SMPDL3A: variants seen among roughly 807,000 people sequenced by gnomAD.
The protein encoded by SMPDL3A is cyclic GMP-AMP phosphodiesterase SMPDL3A.
A neutral mutation model predicts 38.5 loss-of-function variants in SMPDL3A; 39 were observed. That is an observed-to-expected ratio of 1.01 (90% CI 0.78 to 1.32). The LOEUF is 1.32. Ranked by LOEUF, SMPDL3A falls within the 40% of genes most tolerant of loss-of-function variation. The pLI is 0.00. For synonymous variants in SMPDL3A, 180 were observed against 194.3 expected (o/e 0.93, Z 0.61); for missense variants, 502 against 536.2 (o/e 0.94, Z 0.63).
chr6:122,795,359 T>G (rs1368112674), intron 1 of SMPDL3A, among the ~76,000 whole-genome samples: 1 of 152,122 alleles, frequency 6.6e-6, no homozygotes, highest in Non-Finnish European at 1.5e-5. Context: ...GCCAGGTTGG[T>G]CTCGAACTCC....
chr6:122,804,918 A>C lies in SMPDL3A; in HGVS notation c.748A>C (p.Ile250Leu). The change falls in exon 6 of 8, where the codon ATA (isoleucine) becomes CTA (leucine). Residue 250 changes from isoleucine (I) to leucine (L), a missense_variant. Ile to Leu is a conservative substitution (Grantham distance 5, BLOSUM62 2). Transcript: ENST00000368440. ...SQQNKEKVYI[I>L]AHVPVGYLPS... ...GTGTTTCTTTTTCCAGGTGTATATC[A>C]TAGCACATGTTCCAGTGGGGTATCT... 6.2e-7 allele frequency: 1 copy of C among 1,611,098 alleles called. No individual in the cohort carries two copies. The highest frequency in any genetic ancestry group is 8.5e-7 in the Non-Finnish European group (1 of 1,179,138).
At chr6:122,796,029 A>T in intron 2 of SMPDL3A, 139 bp downstream of exon 2, 1 of 660,488 alleles carries the variant, frequency 1.5e-6, no homozygotes, top group East Asian at 2.8e-5. Flanking sequence ...GGTCAAACTA[A>T]TCAACATTAT....
At chr6:122,804,386 T>G (rs1460307856) in intron 5 of SMPDL3A, among the ~76,000 whole-genome samples, 1 of 151,876 alleles carries the variant, frequency 6.6e-6, no homozygotes, top group Non-Finnish European at 1.5e-5. Flanking sequence ...TCACTGCAGC[T>G]TCAGCCTCCT....
intron 1 of SMPDL3A, 46 bp from the exon 2 acceptor site, chr6:122,795,631 A>G (rs1042835725): frequency 2.4e-5 from 34 of 1,431,982 alleles, no homozygotes; most frequent in Non-Finnish European, 3.2e-5. Context: ...TGAGAATTCC[A>G]AAAGAGAACA....
intron 1 of SMPDL3A, among the ~76,000 whole-genome samples, chr6:122,790,065 G>A (rs1473886401): frequency 6.6e-6 from 1 of 152,126 alleles, no homozygotes; most frequent in Non-Finnish European, 1.5e-5. Flanking sequence ...TCACCTGGAT[G>A]TCCACTAGGT....
intron 1 of SMPDL3A, among the ~76,000 whole-genome samples, chr6:122,793,442 C>G (rs1478268991): frequency 1.3e-5 from 2 of 152,210 alleles, no homozygotes; most frequent in Non-Finnish European, 2.9e-5. Flanking sequence ...TGTTCATTTA[C>G]TATACCCTTA....
At chr6:122,799,262 G>C (rs1367568258) in intron 3 of SMPDL3A, among the ~76,000 whole-genome samples, 1 of 152,158 alleles carries the variant, frequency 6.6e-6, no homozygotes, top group Non-Finnish European at 1.5e-5. Flanking sequence ...TTGTGGGTAG[G>C]TCACTTTCCA....
At chr6:122,807,087 G>A (rs545494500) in intron 7 of SMPDL3A, among the ~76,000 whole-genome samples, 157 of 151,888 alleles carry the variant, frequency 1.0e-3, no homozygotes, top group Non-Finnish European at 1.7e-3. Context: ...GAGATGGGGG[G>A]GGGGGGTCTC....
chr6:122,796,380 A>C (rs1582541177), intron 2 of SMPDL3A, among the ~76,000 whole-genome samples: 1 of 152,196 alleles, frequency 6.6e-6, no homozygotes, highest in Admixed American at 6.5e-5. Flanking sequence ...TAACTTATAC[A>C]TTGTAACTTA....
chr6:122,797,241 T>C (rs571914782), intron 3 of SMPDL3A: 155 of 319,216 alleles, frequency 4.9e-4, no homozygotes, highest in African/African-American at 3.1e-3. Flanking sequence ...TCCTTCATAA[T>C]CTTCTTCAAT....
Position 122,795,791 on chromosome 6 carries a change from T to C in SMPDL3A, c.227T>C (p.Phe76Ser). 1 of 1,614,154 alleles carries C rather than the reference T, an allele frequency of 6.2e-7. No individual in the cohort carries two copies. The highest frequency in any genetic ancestry group is 8.5e-7 in the Non-Finnish European group (1 of 1,179,998). The change falls in exon 2 of 8, where the codon TTT becomes TCT. Residue 76 changes from phenylalanine (F) to serine (S), a missense_variant. By Grantham distance (155) the Phe-to-Ser change is radical. Transcript: ENST00000368440. ...GCAAATGCCTCCAACCCTGGCCCTT[T>C]TGGAGATGTTCTGTGTGATTCTCCA... ...KGANASNPGPFGDVLCDSPYQ... is the reference protein window; with the variant it reads ...KGANASNPGPSGDVLCDSPYQ...
In SMPDL3A at chr6:122,795,833, C is replaced by G. The variant is rs1342486394; in HGVS notation, c.269C>G (p.Ser90Ter). 1.9e-6 allele frequency: 3 copies of G among 1,613,926 alleles called. No individual in the cohort carries two copies. The highest frequency in any genetic ancestry group is 2.5e-6 in the Non-Finnish European group (3 of 1,180,012). ...GATTCTCCATATCAACTTATTTTGT[C>G]AGCATTTGATTTTATTAAAAATTCT... ...LCDSPYQLILSAFDFIKNSGQ... is the reference protein window; with the variant it reads ...LCDSPYQLIL The change falls in exon 2 of 8, where the codon TCA (serine) becomes TGA (stop). Residue 90 changes from serine (S) to a stop codon, truncating the protein, a stop_gained. Transcript: ENST00000368440. LOFTEE classifies it high-confidence loss of function.
intron 3 of SMPDL3A, among the ~76,000 whole-genome samples, chr6:122,800,876 A>G (rs563683957): frequency 6.6e-6 from 1 of 152,088 alleles, no homozygotes; most frequent in East Asian, 1.9e-4. Flanking sequence ...TCAGCCTCCC[A>G]AGTAGCTATG....
intron 2 of SMPDL3A, 71 bp from the exon 3 acceptor site, chr6:122,796,753 C>G (rs930019103): frequency 3.8e-6 from 5 of 1,319,410 alleles, no homozygotes; most frequent in Non-Finnish European, 2.1e-6. Context: ...GGTATAGCAA[C>G]GCATCATGCA....
Position 122,804,892 on chromosome 6 carries a change from T to C in SMPDL3A, c.739-17T>C, listed in dbSNP as rs2115174034. ...CAGAAAGATTCTCATGAGGCCTTTT[T>C]GTGTTTCTTTTTCCAGGTGTATATC... is the stretch of plus-strand genomic sequence containing the variant. On this transcript the variant is annotated splice_polypyrimidine_tract_variant and intron_variant, in intron 5 of 7. Transcript: ENST00000368440. 1.9e-6 allele frequency: 3 copies of C among 1,586,218 alleles called. No individual in the cohort carries two copies. In the East Asian group the frequency reaches 6.9e-5, roughly 37 times the overall value.
chr6:122,792,145 AG>A (rs1781099112), intron 1 of SMPDL3A, among the ~76,000 whole-genome samples: 2 of 152,212 alleles, frequency 1.3e-5, no homozygotes, highest in East Asian at 3.8e-4. Flanking sequence ...TCGTTAGGAG[AG>A]GGACATGAGG....
chr6:122,807,329 T>C (rs910197933), intron 7 of SMPDL3A, among the ~76,000 whole-genome samples: 4 of 152,152 alleles, frequency 2.6e-5, no homozygotes, highest in Non-Finnish European at 5.9e-5. Context: ...AAACCCCGTC[T>C]CCACTAAAAA....
In SMPDL3A at chr6:122,804,978, T is replaced by C; in HGVS notation, c.808T>C (p.Tyr270His). Residue 270 changes from tyrosine (Y) to histidine (H), a missense_variant, in exon 6 of 8, where the codon TAC (tyrosine) becomes CAC (histidine). Tyr to His is a moderately conservative substitution (Grantham distance 83). Transcript: ENST00000368440. Reference sequence around the variant, plus strand: ...ACAGAACATCACAGCAATGAGAGAATACTATAATGAGAAATTGATAGATAT... The same window carrying C: ...ACAGAACATCACAGCAATGAGAGAACACTATAATGAGAAATTGATAGATAT... ...SSQNITAMRE[Y>H]YNEKLIDIFQ... The C allele has an allele frequency of 6.2e-7, 1 of 1,613,482 alleles. No homozygotes were observed. Among genetic ancestry groups the C allele is most frequent in the Non-Finnish European group, 8.5e-7 (1 of 1,179,742 alleles).
chr6:122,792,639 T>G (rs6929120), intron 1 of SMPDL3A, among the ~76,000 whole-genome samples: 3 of 104,926 alleles, frequency 2.9e-5, no homozygotes, highest in Non-Finnish European at 4.6e-5. Context: ...CTTCTTCCCC[T>G]TTTTTTTTTT....
Sources: gnomAD v4.1 joint callset for allele counts (sites outside exome capture counted in the v4.1 genomes callset) on GRCh38, gnomAD v4.1.1 for gene constraint, MANE v1.5 for transcripts, NCBI Gene and HGNC (gene_info 2026-07-23, HGNC 2026-07-21) for gene names.